Variants in EXD3 observed in about 807,000 individuals in gnomAD.
The protein encoded by EXD3 is exonuclease mut-7 homolog.
EXD3 carries 92 observed loss-of-function variants against 98.0 expected under a neutral mutation model. The observed-to-expected ratio is 0.94, with a 90% confidence interval of 0.79 to 1.12. The LOEUF (loss-of-function observed/expected upper bound fraction) is 1.12. Among genes scored for constraint, EXD3 ranks in the 50% most tolerant of loss-of-function variants. The pLI is 0.00. For synonymous variants in EXD3, 569 were observed against 526.0 expected, an observed-to-expected ratio of 1.08 and a Z score of -1.12; for missense variants, 1,222 against 1,191.6, an observed-to-expected ratio of 1.03 and a Z score of -0.38.
intron 17 of EXD3, among the ~76,000 whole-genome samples, chr9:137,342,525 G>A (rs890511419): frequency 2.0e-5 from 3 of 152,146 alleles, no homozygotes; most frequent in Non-Finnish European, 4.4e-5. Context: ...GGGACTCATT[G>A]CCTGAGGTTT....
chr9:137,306,939 T>G lies in EXD3; in HGVS notation c.*11A>C. 6.5e-7 allele frequency: 1 copy of G among 1,550,112 alleles called. No individual in the cohort carries two copies. Among genetic ancestry groups the G allele is most frequent in the Non-Finnish European group, 8.7e-7 (1 of 1,146,652 alleles). ...AGTCGGGCACTTTCCATGTTTATTGTCTGGCTGTCCTCAGAAGGGACTGCT... is the reference window on the plus strand; with the variant it reads ...AGTCGGGCACTTTCCATGTTTATTGGCTGGCTGTCCTCAGAAGGGACTGCT... On this transcript the variant is annotated 3_prime_UTR_variant, in exon 22 of 22. Transcript: ENST00000340951.
rs935902298 is a variant in EXD3 at position 137,372,985 on chromosome 9, T to C, written c.382A>G (p.Ile128Val). The C allele has an allele frequency of 3.7e-6, 6 of 1,604,746 alleles. No homozygotes were observed. Among genetic ancestry groups the C allele is most frequent in the Middle Eastern group, 1.7e-4 (1 of 5,976 alleles). The change falls in exon 5 of 22, where the codon ATC becomes GTC. Residue 128 changes from isoleucine to valine, a missense_variant. Coordinates refer to ENST00000340951, the MANE Select transcript of EXD3 (RefSeq NM_017820.5). Reference protein sequence around the residue: ...PPSLAAPLASIFQLQDADRSC... With the variant: ...PPSLAAPLASVFQLQDADRSC... ...CTGTCTGCATCCTGCAGCTGGAAGA[T>C]GCTGGCCAGTGGTGCCGCAAGGCTG...
chr9:137,378,491 G>A (rs1836030503), intron 3 of EXD3, among the ~76,000 whole-genome samples: 1 of 152,174 alleles, frequency 6.6e-6, no homozygotes, highest in African/African-American at 2.4e-5. Flanking sequence ...GATTACAGCC[G>A]TGAGCCACCA....
chr9:137,376,301 G>A (rs1835896177), intron 3 of EXD3, among the ~76,000 whole-genome samples: 1 of 136,104 alleles, frequency 7.3e-6, no homozygotes, highest in East Asian at 2.2e-4. Context: ...CCGAGATTGT[G>A]CCACTGCACT....
intron 17 of EXD3, among the ~76,000 whole-genome samples, chr9:137,327,486 A>G (rs1444208650): frequency 6.6e-6 from 1 of 152,086 alleles, no homozygotes; most frequent in Non-Finnish European, 1.5e-5. Context: ...GTGGTGATGG[A>G]TATGTGATAC....
At position 137,315,293 on chromosome 9, in the gene EXD3, A is replaced by C. The variant is rs184150686; in HGVS notation, c.2185-5593T>G. 2.8e-3 allele frequency among the ~76,000 whole-genome samples: 424 copies of C among 152,312 alleles called. 1 individual carries two copies. The highest frequency in any genetic ancestry group is 0.025 in the South Asian group (121 of 4,830). ...TTTCGGGCCTGGGCCCTGATGAAGG[A>C]AGGCCACCCCACCCTGTGCCCTCAG... On this transcript the variant is annotated intron_variant, in intron 19 of 21. Transcript: ENST00000340951.
At chr9:137,411,898 T>C (rs1838022037) in intron 1 of EXD3, among the ~76,000 whole-genome samples, 2 of 152,152 alleles carry the variant, frequency 1.3e-5, no homozygotes, top group South Asian at 4.1e-4. Context: ...CCTCTGCGGT[T>C]TTTCTGTGGT....
At chr9:137,322,739 G>A (rs1227816358) in intron 19 of EXD3, among the ~76,000 whole-genome samples, 1 of 105,040 alleles carries the variant, frequency 9.5e-6, no homozygotes, top group Non-Finnish European at 2.0e-5. Context: ...ACCCACGAGG[G>A]ATGCTCTGCC....
At position 137,324,116 on chromosome 9, in the gene EXD3, G is replaced by C. The variant is rs1176894173; in HGVS notation, c.2026C>G (p.Leu676Val). 1 of 1,588,024 alleles carries C rather than the reference G, an allele frequency of 6.3e-7. No homozygotes were observed. Among genetic ancestry groups the C allele is most frequent in the South Asian group, 1.1e-5 (1 of 87,004 alleles). Reference sequence around the variant, plus strand: ...TTGTGGAATGGCTGCCCCGACGTCAGAATGATCCTCCCCTCCTGCCTGGCA... The same window carrying C: ...TTGTGGAATGGCTGCCCCGACGTCACAATGATCCTCCCCTCCTGCCTGGCA... ...EVARQEGRII[L>V]TSGQPFHKLR... Residue 676 changes from leucine to valine, a missense_variant, in exon 18 of 22, where the codon CTG (leucine) becomes GTG (valine). Leu to Val is a conservative substitution (Grantham distance 32). Coordinates refer to ENST00000340951, the MANE Select transcript of EXD3 (RefSeq NM_017820.5). This position sits in a 1 kb window ranked among gnomAD's most constrained non-coding sequence, Gnocchi z 4.1.
intron 1 of EXD3, among the ~76,000 whole-genome samples, chr9:137,417,798 G>A (rs1023577191): frequency 2.4e-4 from 36 of 152,116 alleles, no homozygotes; most frequent in African/African-American, 8.7e-4. Context: ...AGCGCAGGCC[G>A]TGCCGCGGGC....
At chr9:137,389,445 C>T (rs940541103) in intron 2 of EXD3, among the ~76,000 whole-genome samples, 4 of 152,130 alleles carry the variant, frequency 2.6e-5, no homozygotes, top group South Asian at 4.1e-4. Context: ...TCCATGAAGC[C>T]GAGGGCCTTG....
At chr9:137,317,222 C>T (rs1831726103) in intron 19 of EXD3, among the ~76,000 whole-genome samples, 1 of 152,138 alleles carries the variant, frequency 6.6e-6, no homozygotes, top group Admixed American at 6.5e-5. Context: ...CCACGCGGGG[C>T]CTCTCCTGTT....
intron 3 of EXD3, among the ~76,000 whole-genome samples, chr9:137,382,742 T>C (rs574126914): frequency 6.6e-6 from 1 of 152,136 alleles, no homozygotes; most frequent in African/African-American, 2.4e-5. Flanking sequence ...CCCCCGGACC[T>C]GCAGGAGCGA....
chr9:137,366,251 G>T lies in EXD3; in HGVS notation c.656+242C>A, dbSNP rs554740711. On this transcript the variant is annotated intron_variant, in intron 7 of 21. Transcript: ENST00000340951. ...AGAGCCACCACGGAGAATTATTTTC[G>T]TTCTTCTAAGAGCAGTTAACTCTTT... 9 of 707,418 alleles carry T rather than the reference G, an allele frequency of 1.3e-5. No individual in the cohort carries two copies. The East Asian group carries it at 2.1e-4, about 17-fold the overall frequency. 43.8% of individuals were successfully genotyped at this position (707,418 alleles called of 1,614,324 possible).
At chr9:137,376,728 G>C (rs1424457121) in intron 3 of EXD3, among the ~76,000 whole-genome samples, 1 of 151,950 alleles carries the variant, frequency 6.6e-6, no homozygotes, top group Non-Finnish European at 1.5e-5. Context: ...TCGGGAGTTG[G>C]AGACCAGCCT....
intron 1 of EXD3, among the ~76,000 whole-genome samples, chr9:137,418,732 A>G (rs889525812): frequency 2.0e-5 from 3 of 152,136 alleles, no homozygotes; most frequent in African/African-American, 7.2e-5. Context: ...TGTAGTAATA[A>G]GAGATTGTAA....
At chr9:137,309,224 G>T (rs550950752) in intron 20 of EXD3, among the ~76,000 whole-genome samples, 1 of 152,212 alleles carries the variant, frequency 6.6e-6, no homozygotes, top group African/African-American at 2.4e-5. Context: ...GCCTTCCCTG[G>T]GGGGGTGGAC....
At chr9:137,374,556 C>CA in intron 3 of EXD3, 1 of 985,494 alleles carries the variant, frequency 1.0e-6, no homozygotes, top group Non-Finnish European at 1.2e-6. Flanking sequence ...AAAAGGCTCC[C>CA]AGCACCTGAC....
At chr9:137,335,060 G>C (rs1264777139) in intron 17 of EXD3, among the ~76,000 whole-genome samples, 2 of 151,116 alleles carry the variant, frequency 1.3e-5, no homozygotes, top group Non-Finnish European at 2.9e-5. Context: ...CTGGGTGACA[G>C]AGCGAGACTC....
Sources: gnomAD v4.1 joint callset for allele counts (sites outside exome capture counted in the v4.1 genomes callset) on GRCh38, gnomAD v4.1.1 for gene constraint, Gnocchi (gnomAD v3.1) non-coding constraint, MANE v1.5 for transcripts, NCBI Gene and HGNC (gene_info 2026-07-23, HGNC 2026-07-21) for gene names.